ZNF558: variants seen among roughly 807,000 people sequenced by gnomAD.
ZNF558 encodes zinc finger protein 558.
In ZNF558, 23 loss-of-function variants were observed where a neutral mutation model predicts 37.6. That is an observed-to-expected ratio of 0.61 (90% CI 0.44 to 0.87). The LOEUF (loss-of-function observed/expected upper bound fraction) is 0.87, where lower values mean the gene tolerates loss of function less well. Among genes scored for constraint, ZNF558 ranks in the 40% least tolerant of loss-of-function variants. The pLI is 0.00. For missense variants in ZNF558, 429 were observed against 483.7 expected (o/e 0.89, Z 1.06); for synonymous variants, 189 against 174.4 (o/e 1.08, Z -0.66).
At chr19:8,828,865 A>G (rs1168100533) in intron 2 of ZNF558, among the ~76,000 whole-genome samples, 1 of 151,344 alleles carries the variant, frequency 6.6e-6, no homozygotes, top group Non-Finnish European at 1.5e-5. Context: ...GGGGAGGCTG[A>G]GGCAGGAAAA....
rs2043768479 is a variant in ZNF558, at chr19:8,810,872, T to G, written c.*409A>C. 1 of 165,318 alleles carries G rather than the reference T, an allele frequency of 6.0e-6. No individual in the cohort carries two copies. The allele number at this position is 165,318 out of a possible 1,614,324, so 10.2% of individuals were successfully genotyped here. On this transcript the variant is annotated 3_prime_UTR_variant, in exon 10 of 10. Coordinates refer to ENST00000601372, the MANE Select transcript of ZNF558 (RefSeq NM_144693.3). The stretch of plus-strand genomic sequence containing the variant: ...TTGGATCACTAACCTTGGCGAGAAC[T>G]TATTGCCAAATTGTCAAGGAGCTGG...
intron 2 of ZNF558, among the ~76,000 whole-genome samples, chr19:8,829,362 T>G (rs2044300286): frequency 6.6e-6 from 1 of 152,222 alleles, no homozygotes; most frequent in South Asian, 2.1e-4. Flanking sequence ...AAAGCCTTTC[T>G]ATCTATCGTA....
upstream of ZNF558, among the ~76,000 whole-genome samples, chr19:8,836,684 G>T (rs2044459513): frequency 6.6e-6 from 1 of 152,044 alleles, no homozygotes; most frequent in African/African-American, 2.4e-5. Flanking sequence ...TAGAGACAGG[G>T]ACTCGCCACA....
chr19:8,822,038 C>A lies in ZNF558; in HGVS notation c.85G>T (p.Glu29Ter), dbSNP rs769323779. The change falls in exon 6 of 10, where the codon GAG becomes TAG. Residue 29 changes from glutamate to a stop codon, truncating the protein, a stop_gained. Coordinates refer to ENST00000601372, the MANE Select transcript of ZNF558 (RefSeq NM_144693.3). LOFTEE classifies it high-confidence loss of function. The surrounding 1 kb of genome is among the most constrained non-coding windows in gnomAD (Gnocchi z 4.4). ...SQQKGHTQGG[E>*]LVNELLTSWL... Reference sequence around the variant, plus strand: ...CTTGTCAGGAGCTCATTAACCAGCTCTCCGCCCTGTGTGTGTCCTTTTTGC... The same window carrying A: ...CTTGTCAGGAGCTCATTAACCAGCTATCCGCCCTGTGTGTGTCCTTTTTGC... 2 of 1,614,116 alleles carry A rather than the reference C, an allele frequency of 1.2e-6. No homozygotes were observed. Among genetic ancestry groups the A allele is most frequent in the African/African-American group, 1.3e-5 (1 of 75,048 alleles).
At chr19:8,834,642 A>C (rs561982068), upstream of ZNF558, among the ~76,000 whole-genome samples, 174 of 151,844 alleles carry the variant, frequency 1.1e-3, 1 homozygote, top group East Asian at 3.5e-3. Context: ...AAAAAACAAA[A>C]AAAAAACCAA....
rs782463844 is a variant in ZNF558 at position 8,811,559 on chromosome 19, C to G, written c.931G>C (p.Val311Leu). The change falls in exon 10 of 10, where the codon GTA becomes CTA. Residue 311 changes from valine to leucine, a missense_variant. Physicochemically the swap from Val to Leu is conservative, Grantham distance 32 (BLOSUM62 1). Transcript: ENST00000601372. ...FRKSSYLTQH[V>L]RTHTGEKPYE... ...GGTTTTTCTCCAGTATGAGTTCTTA[C>G]GTGCTGTGTCAGATAGGAGCTCTTC... The G allele has an allele frequency of 8.7e-6, 14 of 1,613,750 alleles. No individual in the cohort carries two copies. The Admixed American group carries it at 2.2e-4, about 25-fold the overall frequency.
At chr19:8,835,098 C>T (rs983556223), upstream of ZNF558, among the ~76,000 whole-genome samples, 3 of 150,990 alleles carry the variant, frequency 2.0e-5, no homozygotes, top group Admixed American at 1.3e-4. Context: ...GTCACCTAGG[C>T]TGGAGTGCTG....
At chr19:8,834,853 G>A (rs115443279), upstream of ZNF558, among the ~76,000 whole-genome samples, 874 of 151,956 alleles carry the variant, frequency 5.8e-3, 6 homozygotes, top group African/African-American at 0.019. Context: ...AACAGGTGGC[G>A]AAAGAAAAAA....
chr19:8,811,387 C>A lies in ZNF558; in HGVS notation c.1103G>T (p.Arg368Ile). Residue 368 changes from arginine to isoleucine, a missense_variant, in exon 10 of 10, where the codon AGA (arginine) becomes ATA (isoleucine). By Grantham distance (97) the Arg-to-Ile change is moderately conservative. Coordinates refer to ENST00000601372, the MANE Select transcript of ZNF558 (RefSeq NM_144693.3). The stretch of plus-strand genomic sequence containing the variant: ...ATAGGGTTTTTCTCCAGTGTGAGTT[C>A]TTAAGTGTTTCTTCACAGCTGAGAG... ...NNLSAVKKHLRTHTGEKPYEC... is the reference protein window; with the variant it reads ...NNLSAVKKHLITHTGEKPYEC... The A allele has an allele frequency of 1.2e-6, 2 of 1,614,042 alleles. No homozygotes were observed.
At chr19:8,826,666 T>A (rs1468433974) in intron 2 of ZNF558, among the ~76,000 whole-genome samples, 1 of 152,146 alleles carries the variant, frequency 6.6e-6, no homozygotes, top group Non-Finnish European at 1.5e-5. Flanking sequence ...CAGCCCTGTT[T>A]ATAAGCACTG....
In ZNF558 at chr19:8,812,017, A is replaced by G. The variant is rs782453908; in HGVS notation, c.473T>C (p.Phe158Ser). Residue 158 changes from phenylalanine to serine, a missense_variant, in exon 10 of 10, where the codon TTT (phenylalanine) becomes TCT (serine). Phe to Ser is a radical substitution (Grantham distance 155). Transcript: ENST00000601372. ...GTTAGATTTCGTGCTGAAGACTTTA[A>G]AACACTGATTACATTCATTGAGTTT... Reference protein sequence around the residue: ...GVKLNECNQCFKVFSTKSNLT... With the variant: ...GVKLNECNQCSKVFSTKSNLT... 1.9e-5 allele frequency: 30 copies of G among 1,611,096 alleles called. No individual in the cohort carries two copies. Among genetic ancestry groups the G allele is most frequent in the Non-Finnish European group, 2.0e-5 (23 of 1,178,306 alleles).
At chr19:8,814,883 TTTACAATATATGATATTCTACAA>T (rs2043893094) in intron 7 of ZNF558, among the ~76,000 whole-genome samples, 1 of 151,884 alleles carries the variant, frequency 6.6e-6, no homozygotes, top group Non-Finnish European at 1.5e-5. Flanking sequence ...CTAACAGGAG[TTTACAATATATGATATTCTACAA>T]CTTTAGAACA....
chr19:8,831,165 CCT>C (rs775337798), intron 2 of ZNF558, 151 bp downstream of exon 2: 7 of 152,128 alleles, frequency 4.6e-5, no homozygotes, highest in Non-Finnish European at 8.8e-5. Context: ...ACCATAAACA[CCT>C]CTGTCTTTTT....
In ZNF558 at chr19:8,812,676, G is replaced by A. The variant is rs782265322; in HGVS notation, c.344-33C>T. The A allele has an allele frequency of 1.4e-5, 20 of 1,462,860 alleles. No individual in the cohort carries two copies. In the South Asian group the frequency reaches 2.4e-4, roughly 17 times the overall value. 90.6% of individuals were successfully genotyped at this position (1,462,860 alleles called of 1,614,324 possible). Reference sequence around the variant, plus strand: ...AAATTGAAAAGAAATTTAGGTTGATGGAGAAAAGAAATGGAAAAGTGTACA... The same window carrying A: ...AAATTGAAAAGAAATTTAGGTTGATAGAGAAAAGAAATGGAAAAGTGTACA... On this transcript the variant is annotated intron_variant, in intron 8 of 9. Transcript: ENST00000601372.
At chr19:8,827,185 T>C (rs551950956) in intron 2 of ZNF558, among the ~76,000 whole-genome samples, 2 of 147,370 alleles carry the variant, frequency 1.4e-5, no homozygotes, top group African/African-American at 5.4e-5. Context: ...CTGGATACAG[T>C]GCTGGAGGAT....
chr19:8,813,189 T>A lies in ZNF558; in HGVS notation c.281A>T (p.Gln94Leu). Residue 94 changes from glutamine to leucine, a missense_variant, in exon 8 of 10, where the codon CAG (glutamine) becomes CTG (leucine). Physicochemically the swap from Gln to Leu is moderately radical, Grantham distance 113 (BLOSUM62 -2). Transcript: ENST00000601372. ...CRVNKPSLIS[Q>L]LEQDKKVVTE... ...CACCACCTTCTTGTCTTGTTCCAAC[T>A]GGGATATCAGACTGGGTTTATTAAC... is the stretch of plus-strand genomic sequence containing the variant. 2 of 1,599,786 alleles carry A rather than the reference T, an allele frequency of 1.3e-6. No individual in the cohort carries two copies. Among genetic ancestry groups the A allele is most frequent in the Non-Finnish European group, 8.5e-7 (1 of 1,172,436 alleles).
chr19:8,837,616 G>A, the ZNF558 span, among the ~76,000 whole-genome samples: 2 of 152,148 alleles, frequency 1.3e-5, no homozygotes, highest in African/African-American at 4.8e-5. Flanking sequence ...TTTGCCTCAA[G>A]CCTTGTGACA....
rs596241 is a variant in ZNF558 at position 8,808,829 on chromosome 19, G to A, written c.*2452C>T. ...GGAGTCTCGCTCTGTTGCCAGGCTGGAGTGCACTGGCGCCATCTTGGCTCA... is the reference window on the plus strand; with the variant it reads ...GGAGTCTCGCTCTGTTGCCAGGCTGAAGTGCACTGGCGCCATCTTGGCTCA... On this transcript the variant is annotated 3_prime_UTR_variant, in exon 10 of 10. Coordinates refer to ENST00000601372, the MANE Select transcript of ZNF558 (RefSeq NM_144693.3). 27,615 of 151,976 alleles carry A rather than the reference G, an allele frequency of 0.18. 3,000 individuals carry two copies. The highest frequency in any genetic ancestry group is 0.31 in the African/African-American group (12,823 of 41,450). 9.4% of individuals were successfully genotyped at this position (151,976 alleles called of 1,614,324 possible). A position where few individuals can be genotyped will look rare whatever the true frequency, so the allele number is the denominator to read the frequency against.
chr19:8,828,589 A>G (rs1246844160), intron 2 of ZNF558, among the ~76,000 whole-genome samples: 1 of 152,170 alleles, frequency 6.6e-6, no homozygotes, highest in African/African-American at 2.4e-5. Flanking sequence ...TTAAGTCTAA[A>G]CCAGTGTGTA....
Sources: gnomAD v4.1 joint callset for allele counts (sites outside exome capture counted in the v4.1 genomes callset) on GRCh38, gnomAD v4.1.1 for gene constraint, Gnocchi (gnomAD v3.1) non-coding constraint, MANE v1.5 for transcripts, NCBI Gene and HGNC (gene_info 2026-07-23, HGNC 2026-07-21) for gene names.